PGK1: variants seen among roughly 807,000 people sequenced by gnomAD.
PGK1 encodes the protein phosphoglycerate kinase 1, also known as PRP 2.
In PGK1, 3 loss-of-function variants were observed where a neutral mutation model predicts 26.9. That is an observed-to-expected ratio of 0.11 (90% CI 0.05 to 0.29). The LOEUF is 0.29. PGK1 is among the 10% of genes least tolerant of loss of function. The pLI is 1.00. For missense variants in PGK1, 270 were observed against 314.7 expected, an observed-to-expected ratio of 0.86 and a Z score of 1.07; for synonymous variants, 125 against 115.3, an observed-to-expected ratio of 1.08 and a Z score of -0.54.
At chrX:78,113,519 T>C (rs1341990836) in intron 2 of PGK1, among the ~76,000 whole-genome samples, 1 of 111,564 alleles carries the variant, frequency 9.0e-6, no homozygotes, top group East Asian at 2.8e-4. Flanking sequence ...CTGTGTTAAC[T>C]CTTGTCTGTG....
Position 78,125,006 on chromosome X carries a change from G to C in PGK1, c.1069G>C (p.Asp357His). The C allele has an allele frequency of 8.3e-7, 1 of 1,211,156 alleles. No individual in the cohort carries two copies. Among genetic ancestry groups the C allele is most frequent in the Non-Finnish European group, 1.1e-6 (1 of 894,996 alleles). Reference protein sequence around the residue: ...AFARGTKALMDEVVKATSRGC... With the variant: ...AFARGTKALMHEVVKATSRGC... ...TGCCCGGGGAACCAAAGCTCTCATG[G>C]ATGAGGTGGTGAAAGCCACTTCTAG... is the stretch of plus-strand genomic sequence containing the variant. The change falls in exon 9 of 11, where the codon GAT (aspartate) becomes CAT (histidine). Residue 357 changes from aspartate to histidine, a missense_variant. Physicochemically the swap from Asp to His is moderately conservative, Grantham distance 81 (BLOSUM62 -1). Around this residue, in one of 3 missense-constraint regions of PGK1, gnomAD observed 103 missense variants for 114.6 expected, o/e 0.90. Coordinates refer to ENST00000373316, the MANE Select transcript of PGK1 (RefSeq NM_000291.4).
In PGK1 at chrX:78,117,428, T is replaced by G; in HGVS notation, c.521+13T>G. 2 of 1,003,530 alleles carry G rather than the reference T, an allele frequency of 2.0e-6. No individual in the cohort carries two copies. Among genetic ancestry groups the G allele is most frequent in the Admixed American group, 2.2e-5 (1 of 45,814 alleles). The allele number at this position is 1,003,530 out of a possible 1,213,427, so 82.7% of individuals were successfully genotyped here. ...ACAGAGCCCACAGGTACCAAGAACC[T>G]TGTAGACTACCACACTGAGAACAGT... On this transcript the variant is annotated intron_variant, in intron 5 of 10. Transcript: ENST00000373316.
intron 2 of PGK1, among the ~76,000 whole-genome samples, chrX:78,111,355 C>T (rs782179867): frequency 7.1e-5 from 8 of 112,350 alleles, no homozygotes; most frequent in Non-Finnish European, 1.1e-4. Flanking sequence ...GCTGGGAATA[C>T]AGGCATGAGT....
Position 78,125,837 on chromosome X carries a change from C to A in PGK1, c.*7C>A. 12 of 1,189,869 alleles carry A rather than the reference C, an allele frequency of 1.0e-5. No homozygotes were observed. The highest frequency in any genetic ancestry group is 1.3e-5 in the Non-Finnish European group (11 of 875,592). Reference sequence around the variant, plus strand: ...TGCTCTCAGCAATATTTAGTACTTTCCTGCCTTTTAGTTCCTGTGCACAGC... The same window carrying A: ...TGCTCTCAGCAATATTTAGTACTTTACTGCCTTTTAGTTCCTGTGCACAGC... On this transcript the variant is annotated 3_prime_UTR_variant, in exon 11 of 11. Transcript: ENST00000373316.
intron 8 of PGK1, among the ~76,000 whole-genome samples, chrX:78,123,654 G>C (rs2078368083): frequency 9.3e-6 from 1 of 106,965 alleles, no homozygotes; most frequent in South Asian, 4.2e-4. Context: ...GTGTCACCAG[G>C]CTGGAGTGCA....
At chrX:78,112,796 A>G (rs2078307510) in intron 2 of PGK1, among the ~76,000 whole-genome samples, 1 of 112,309 alleles carries the variant, frequency 8.9e-6, no homozygotes, top group African/African-American at 3.2e-5. Context: ...CAAGATTAGG[A>G]AGAGGAAAAG....
chrX:78,118,601 T>TAAAC (rs374735149), intron 6 of PGK1, among the ~76,000 whole-genome samples: 1 of 109,006 alleles, frequency 9.2e-6, no homozygotes, highest in African/African-American at 3.3e-5. Context: ...AATAAATAAA[T>TAAAC]AAACAAACAA....
chrX:78,118,207 G>A (rs1557247658), intron 6 of PGK1, 37 bp downstream of exon 6: 2 of 1,196,886 alleles, frequency 1.7e-6, no homozygotes, highest in Non-Finnish European at 2.3e-6. Flanking sequence ...TTTAAGTATT[G>A]TTTGCCTGGT....
rs782248779 is a variant in PGK1 at position 78,126,752 on chromosome X, ATAGAT to A, written c.*928_*932del. 7.9e-4 allele frequency: 83 copies of A among 105,104 alleles called. No individual in the cohort carries two copies. The Middle Eastern group carries it at 0.015, about 19-fold the overall frequency. 8.7% of individuals were successfully genotyped at this position (105,104 alleles called of 1,213,427 possible). A position where few individuals can be genotyped will look rare whatever the true frequency, so the allele number is the denominator to read the frequency against. The stretch of plus-strand genomic sequence containing the variant: ...CTCTCGGTATAGTTTTGTCACAATT[ATAGAT>A]TAGATCAAAAGTCTACATAACTAAT... On this transcript the variant is annotated 3_prime_UTR_variant, in exon 11 of 11. Coordinates refer to ENST00000373316, the MANE Select transcript of PGK1 (RefSeq NM_000291.4).
chrX:78,104,479 CTCG>C, intron 1 of PGK1, 74 bp downstream of exon 1: 1 of 795,736 alleles, frequency 1.3e-6, no homozygotes, highest in Non-Finnish European at 1.9e-6. Flanking sequence ...GACTTGTTCT[CTCG>C]TCTGCTCTAA....
At chrX:78,125,072 C>CT in intron 9 of PGK1, 21 bp downstream of exon 9, 5 of 1,172,490 alleles carry the variant, frequency 4.3e-6, no homozygotes, top group Non-Finnish European at 5.8e-6. Context: ...CTATACAAAG[C>CT]TAATACCCAT....
At chrX:78,111,074 A>G (rs2078298651) in intron 2 of PGK1, among the ~76,000 whole-genome samples, 1 of 108,984 alleles carries the variant, frequency 9.2e-6, no homozygotes, top group African/African-American at 3.3e-5. Context: ...TCCATCAAGA[A>G]GGTTTTTATT....
chrX:78,115,308 T>TA (rs2078321246), intron 4 of PGK1, among the ~76,000 whole-genome samples: 2 of 111,160 alleles, frequency 1.8e-5, no homozygotes, highest in Non-Finnish European at 3.8e-5. Context: ...ATTCACTATC[T>TA]AATGGCTTTT....
In PGK1 at chrX:78,104,287, T is replaced by G. The variant is rs907560306; in HGVS notation, c.-54T>G. The G allele has an allele frequency of 1.1e-6, 1 of 941,892 alleles. No individual in the cohort carries two copies. Among genetic ancestry groups the G allele is most frequent in the Non-Finnish European group, 1.5e-6 (1 of 652,351 alleles). 77.6% of individuals were successfully genotyped at this position (941,892 alleles called of 1,213,427 possible). ...AAGCCTCCGGAGCGCACGTCGGCAG[T>G]CGGCTCCCTCGTTGACCGAATCACC... is the stretch of plus-strand genomic sequence containing the variant. On this transcript the variant is annotated 5_prime_UTR_variant, in exon 1 of 11. Coordinates refer to ENST00000373316, the MANE Select transcript of PGK1 (RefSeq NM_000291.4).
rs372185667 is a variant in PGK1, at chrX:78,129,220, C to CCTATCTACCTATCTATCTAT, written c.*3397_*3398insCCTATCTATCTATCTATCTA. The CCTATCTACCTATCTATCTAT allele has an allele frequency of 7.5e-4, 75 of 100,063 alleles. No individual in the cohort carries two copies. Among genetic ancestry groups the CCTATCTACCTATCTATCTAT allele is most frequent in the African/African-American group, 2.6e-3 (70 of 26,620 alleles). 8.2% of individuals were successfully genotyped at this position (100,063 alleles called of 1,213,427 possible). A position where few individuals can be genotyped will look rare whatever the true frequency, so the allele number is the denominator to read the frequency against. On this transcript the variant is annotated 3_prime_UTR_variant, in exon 11 of 11. Coordinates refer to ENST00000373316, the MANE Select transcript of PGK1 (RefSeq NM_000291.4). Reference sequence around the variant, plus strand: ...CATAAAGAGCATACCCATGTGTGTACCTATCTATCTATCTATCTATCTATC... The same window carrying CCTATCTACCTATCTATCTAT: ...CATAAAGAGCATACCCATGTGTGTACCTATCTACCTATCTATCTATCTATCTATCTATCTATCTATCTATC...
chrX:78,113,606 C>G, intron 2 of PGK1, 138 bp from the exon 3 acceptor site: 1 of 560,990 alleles, frequency 1.8e-6, no homozygotes, highest in Admixed American at 2.7e-5. Context: ...TAAGGACCAC[C>G]ATTGAATTAC....
chrX:78,117,178 C>T, intron 4 of PGK1, 134 bp from the exon 5 acceptor site: 2 of 516,224 alleles, frequency 3.9e-6, no homozygotes, highest in Non-Finnish European at 7.0e-6. Context: ...ACACATCCTA[C>T]TGCTGGTTGT....
At chrX:78,105,764 G>A (rs1557246146) in intron 1 of PGK1, among the ~76,000 whole-genome samples, 1 of 111,618 alleles carries the variant, frequency 9.0e-6, no homozygotes, top group Non-Finnish European at 1.9e-5. Flanking sequence ...AAAATACCTG[G>A]TTTCCACATT....
chrX:78,128,243 A>G lies in PGK1; in HGVS notation c.*2413A>G, dbSNP rs2078391686. 2 of 113,496 alleles carry G rather than the reference A, an allele frequency of 1.8e-5. No individual in the cohort carries two copies. The highest frequency in any genetic ancestry group is 1.9e-4 in the Admixed American group (2 of 10,798). The allele number at this position is 113,496 out of a possible 1,213,427, so 9.4% of individuals were successfully genotyped here. A position where few individuals can be genotyped will look rare whatever the true frequency, so the allele number is the denominator to read the frequency against. On this transcript the variant is annotated 3_prime_UTR_variant, in exon 11 of 11. Transcript: ENST00000373316. ...AAGATAGTAGATAACTTGTGTGCATATAAGCTAGAACAGTATAAGGGGCCG... is the reference window on the plus strand; with the variant it reads ...AAGATAGTAGATAACTTGTGTGCATGTAAGCTAGAACAGTATAAGGGGCCG...
Sources: gnomAD v4.1 joint callset for allele counts (sites outside exome capture counted in the v4.1 genomes callset) on GRCh38, gnomAD v4.1.1 for gene constraint, gnomAD v4.1.1 regional missense constraint, MANE v1.5 for transcripts, NCBI Gene and HGNC (gene_info 2026-07-23, HGNC 2026-07-21) for gene names.